Variants in TACC3 observed in about 807,000 individuals in gnomAD.
The protein encoded by TACC3 is transforming acidic coiled-coil containing protein 3.
TACC3 carries 52 observed loss-of-function variants against 86.0 expected under a neutral mutation model. The ratio of observed to expected loss-of-function variants is 0.60; its 90% confidence interval spans 0.48 to 0.76. The LOEUF (loss-of-function observed/expected upper bound fraction) is 0.76. TACC3 is among the 30% of genes least tolerant of loss of function. The pLI is 0.00. For missense variants in TACC3, 1,120 were observed against 1,070.4 expected, an observed-to-expected ratio of 1.05 and a Z score of -0.65; for synonymous variants, 512 against 430.0, an observed-to-expected ratio of 1.19 and a Z score of -2.36.
At chr4:1,727,177 G>T (rs1717729068) in intron 3 of TACC3, among the ~76,000 whole-genome samples, 1 of 151,982 alleles carries the variant, frequency 6.6e-6, no homozygotes, top group South Asian at 2.1e-4. Context: ...AAATTGAGGA[G>T]CCCAGTCTAC....
At chr4:1,730,416 T>C (rs1717943676) in intron 4 of TACC3, 1 of 255,060 alleles carries the variant, frequency 3.9e-6, no homozygotes, top group Non-Finnish European at 8.0e-6. Context: ...TGATTAACGA[T>C]ATTCATATAT....
In TACC3 at chr4:1,735,917, G is replaced by T; in HGVS notation, c.1748+83G>T. 2.0e-6 allele frequency: 2 copies of T among 979,884 alleles called. No individual in the cohort carries two copies. The highest frequency in any genetic ancestry group is 1.5e-6 in the Non-Finnish European group (1 of 651,220). The allele number at this position is 979,884 out of a possible 1,614,324, so 60.7% of individuals were successfully genotyped here. On this transcript the variant is annotated intron_variant, in intron 8 of 15. Transcript: ENST00000313288. This position sits in a 1 kb window ranked among gnomAD's most constrained non-coding sequence, Gnocchi z 4.2. ...TGTTCCTAGGTGTGCTGTCTGCACAGAGGCTTCTAGACCGGGGGGAGATGA... is the reference window on the plus strand; with the variant it reads ...TGTTCCTAGGTGTGCTGTCTGCACATAGGCTTCTAGACCGGGGGGAGATGA...
At chr4:1,732,101 C>T (rs1288824249) in intron 6 of TACC3, among the ~76,000 whole-genome samples, 3 of 141,534 alleles carry the variant, frequency 2.1e-5, no homozygotes, top group African/African-American at 8.0e-5. Context: ...TGCAGTTAAA[C>T]ATGGTTTGTC....
intron 6 of TACC3, among the ~76,000 whole-genome samples, chr4:1,732,507 A>G (rs1317993639): frequency 2.0e-5 from 3 of 152,256 alleles, no homozygotes; most frequent in South Asian, 2.1e-4. Flanking sequence ...TGCATTTGGT[A>G]GGAATTGATG....
upstream of TACC3, chr4:1,720,848 C>A (rs375704917): frequency 1.7e-4 from 266 of 1,566,010 alleles, 5 homozygotes; most frequent in Non-Finnish European, 5.4e-5. This position sits in a 1 kb window ranked among gnomAD's most constrained non-coding sequence, Gnocchi z 4.4. Context: ...CGCGCAGCCG[C>A]CGGGAAGCTG....
At chr4:1,742,954 G>A (rs1441447666) in intron 13 of TACC3, among the ~76,000 whole-genome samples, 7 of 152,160 alleles carry the variant, frequency 4.6e-5, no homozygotes, top group African/African-American at 9.7e-5. Flanking sequence ...GCGACAGAGC[G>A]AGACTCTCTC....
At chr4:1,738,004 T>G (rs1036316187) in intron 10 of TACC3, 8 of 466,334 alleles carry the variant, frequency 1.7e-5, no homozygotes, top group African/African-American at 1.6e-4. Flanking sequence ...TGGTTCTTGC[T>G]GCCGTGAGCC....
chr4:1,739,035 G>A (rs902526412), intron 10 of TACC3, among the ~76,000 whole-genome samples: 1 of 152,164 alleles, frequency 6.6e-6, no homozygotes, highest in African/African-American at 2.4e-5. Context: ...CTGGCCGGGT[G>A]CAGTGGGTCA....
At position 1,735,108 on chromosome 4, in the gene TACC3, G is replaced by T. The variant is rs1049944280; in HGVS notation, c.1592-165G>T. ...CAGCACCCTGCGGTGCCCAGGAGGC[G>T]CCTGCCGCAGACAGCAGTCAGGCCC... On this transcript the variant is annotated intron_variant, in intron 6 of 15. Transcript: ENST00000313288. The surrounding 1 kb of genome is among the most constrained non-coding windows in gnomAD (Gnocchi z 4.2). 6.6e-6 allele frequency among the ~76,000 whole-genome samples: 1 copy of T among 152,244 alleles called. No individual in the cohort carries two copies. The highest frequency in any genetic ancestry group is 1.5e-5 in the Non-Finnish European group (1 of 68,040).
In TACC3 at chr4:1,727,574, C is replaced by T. The variant is rs535956836; in HGVS notation, c.306-134C>T. 5.4e-5 allele frequency: 76 copies of T among 1,414,250 alleles called. No individual in the cohort carries two copies. The East Asian group carries it at 9.7e-4, about 18-fold the overall frequency. 87.6% of individuals were successfully genotyped at this position (1,414,250 alleles called of 1,614,324 possible). A position where few individuals can be genotyped will look rare whatever the true frequency, so the allele number is the denominator to read the frequency against. Reference sequence around the variant, plus strand: ...AGGAACTGAGGTGGGGGGTGGAGAACGGGAAGCCGTGCCAAGGGTGACTCA... The same window carrying T: ...AGGAACTGAGGTGGGGGGTGGAGAATGGGAAGCCGTGCCAAGGGTGACTCA... On this transcript the variant is annotated intron_variant, in intron 3 of 15. Coordinates refer to ENST00000313288, the MANE Select transcript of TACC3 (RefSeq NM_006342.3).
At position 1,735,439 on chromosome 4, in the gene TACC3, G is replaced by A. The variant is rs1718206934; in HGVS notation, c.1644+114G>A. The A allele has an allele frequency of 1.6e-6, 2 of 1,236,560 alleles. No homozygotes were observed. Among genetic ancestry groups the A allele is most frequent in the African/African-American group, 1.5e-5 (1 of 67,502 alleles). The allele number at this position is 1,236,560 out of a possible 1,614,324, so 76.6% of individuals were successfully genotyped here. ...CCCACGTCCCCCCAGCTGCACACAG[G>A]CCCAGGCATTGTGGCGGGCTGTGAA... On this transcript the variant is annotated intron_variant, in intron 7 of 15. Transcript: ENST00000313288. The surrounding 1 kb of genome is among the most constrained non-coding windows in gnomAD (Gnocchi z 4.2).
Position 1,744,731 on chromosome 4 carries a change from C to G in TACC3, c.2350C>G (p.Gln784Glu), listed in dbSNP as rs779794010. 1 of 1,612,688 alleles carries G rather than the reference C, an allele frequency of 6.2e-7. No individual in the cohort carries two copies. Among genetic ancestry groups the G allele is most frequent in the Non-Finnish European group, 8.5e-7 (1 of 1,179,994 alleles). The part of the protein sequence containing the change: ...KLQLANEEIA[Q>E]VRSKAQAEAL... ...CTCCAGGGCAAACGAGGAGATCGCC[C>G]AGGTCCGGAGCAAGGCCCAGGCGGA... Residue 784 changes from glutamine (Q) to glutamate (E), a missense_variant, in exon 15 of 16, where the codon CAG (glutamine) becomes GAG (glutamate). Physicochemically the swap from Gln to Glu is conservative, Grantham distance 29. Coordinates refer to ENST00000313288, the MANE Select transcript of TACC3 (RefSeq NM_006342.3).
chr4:1,739,859 C>T, intron 11 of TACC3, 81 bp downstream of exon 11: 1 of 1,571,334 alleles, frequency 6.4e-7, no homozygotes, highest in Middle Eastern at 1.7e-4. Context: ...CATCCTTGTC[C>T]CCATCCCCCT....
intron 3 of TACC3, among the ~76,000 whole-genome samples, chr4:1,726,422 C>T (rs1244947578): frequency 3.3e-5 from 5 of 152,212 alleles, no homozygotes; most frequent in Admixed American, 1.3e-4. Context: ...TTGTTTACCA[C>T]GCCCCCTGCT....
rs112715673 is a variant in TACC3 at position 1,728,289 on chromosome 4, C to A, written c.887C>A (p.Thr296Asn). Residue 296 changes from threonine (T) to asparagine (N), a missense_variant, in exon 4 of 16, where the codon ACC (threonine) becomes AAC (asparagine). Thr to Asn is a moderately conservative substitution (Grantham distance 65). Transcript: ENST00000313288. ...ACTCAGACCCTTACCTGTGCACACA[C>A]CTCTGCTCCTGAGAGCACAGCCCCA... The part of the protein sequence containing the change: ...DGTQTLTCAH[T>N]SAPESTAPTN... The A allele has an allele frequency of 7.4e-6, 12 of 1,612,722 alleles. No individual in the cohort carries two copies. The highest frequency in any genetic ancestry group is 1.6e-4 in the Middle Eastern group (1 of 6,084).
rs766284378 is a variant in TACC3 at position 1,728,360 on chromosome 4, G to C, written c.958G>C (p.Glu320Gln). The C allele has an allele frequency of 6.2e-7, 1 of 1,613,200 alleles. No individual in the cohort carries two copies. Among genetic ancestry groups the C allele is most frequent in the South Asian group, 1.1e-5 (1 of 91,086 alleles). The change falls in exon 4 of 16, where the codon GAA becomes CAA. Residue 320 changes from glutamate to glutamine, a missense_variant. Glu to Gln is a conservative substitution (Grantham distance 29, BLOSUM62 2). Coordinates refer to ENST00000313288, the MANE Select transcript of TACC3 (RefSeq NM_006342.3). ...CAGGGCCATGACCCTGAGTCCTCAG[G>C]AAGAAGTGGCTGCAGGCCAAATGGC... ...AGRAMTLSPQ[E>Q]EVAAGQMASS...
At chr4:1,734,741 G>A (rs1207222492) in intron 6 of TACC3, among the ~76,000 whole-genome samples, 1 of 151,860 alleles carries the variant, frequency 6.6e-6, no homozygotes, top group Non-Finnish European at 1.5e-5. Flanking sequence ...CATAATCTCA[G>A]CTCAGTGCAG....
At chr4:1,725,355 C>G (rs913575007) in intron 3 of TACC3, among the ~76,000 whole-genome samples, 3 of 152,200 alleles carry the variant, frequency 2.0e-5, no homozygotes, top group Non-Finnish European at 4.4e-5. Flanking sequence ...TTTCCTACAT[C>G]CTTCTCTGGG....
Position 1,723,822 on chromosome 4 carries a change from A to T in TACC3, c.257A>T (p.Asp86Val). The T allele has an allele frequency of 6.2e-7, 1 of 1,613,668 alleles. No homozygotes were observed. The highest frequency in any genetic ancestry group is 1.1e-5 in the South Asian group (1 of 91,088). ...SKLEAPFTQDDTLGLENSHPV... is the reference protein window; with the variant it reads ...SKLEAPFTQDVTLGLENSHPV... ...CTTGAGGCTCCTTTCACTCAGGATG[A>T]CACCCTTGGACTGGAAAACTCACAC... The change falls in exon 3 of 16, where the codon GAC becomes GTC. Residue 86 changes from aspartate to valine, a missense_variant. By Grantham distance (152) the Asp-to-Val change is radical (BLOSUM62 -3). Transcript: ENST00000313288.
Sources: allele counts gnomAD v4.1 joint callset (sites outside exome capture counted in the v4.1 genomes callset), GRCh38; gene constraint gnomAD v4.1.1; non-coding constraint Gnocchi (gnomAD v3.1); transcripts MANE v1.5; gene names NCBI Gene and HGNC (gene_info 2026-07-23, HGNC 2026-07-21).